CLVS1: variants seen among roughly 807,000 people sequenced by gnomAD.
CLVS1 encodes clavesin 1.
In CLVS1, 10 loss-of-function variants were observed where a neutral mutation model predicts 33.1. That is an observed-to-expected ratio of 0.30 (90% confidence interval 0.19 to 0.51). The LOEUF is 0.51. Ranked by LOEUF, CLVS1 falls within the 20% of genes least tolerant of loss-of-function variation. The probability of loss-of-function intolerance (pLI) is 0.97; values close to 1 mark genes in which losing one functional copy is unlikely to be tolerated. For synonymous variants in CLVS1, 163 were observed against 166.1 expected (o/e 0.98, Z 0.14); for missense variants, 343 against 433.4 (o/e 0.79, Z 1.85).
intron 2 of CLVS1, among the ~76,000 whole-genome samples, chr8:61,225,595 T>C (rs1808308802): frequency 6.6e-6 from 1 of 152,228 alleles, no homozygotes; most frequent in Non-Finnish European, 1.5e-5. Flanking sequence ...ATATCATAGT[T>C]ACCTTTACTG....
At chr8:61,360,691 C>G (rs534687024) in intron 2 of CLVS1, among the ~76,000 whole-genome samples, 1 of 152,286 alleles carries the variant, frequency 6.6e-6, no homozygotes, top group East Asian at 1.9e-4. Flanking sequence ...TTCTTGACAA[C>G]TTTGCATTAG....
chr8:61,202,766 C>G (rs1807761302), intron 2 of CLVS1: 1 of 1,565,868 alleles, frequency 6.4e-7, no homozygotes, highest in South Asian at 1.1e-5. Flanking sequence ...TTAAGTATAT[C>G]TGGAAAGCGA....
intron 2 of CLVS1, among the ~76,000 whole-genome samples, chr8:61,371,356 T>G (rs951661007): frequency 6.6e-6 from 1 of 152,200 alleles, no homozygotes; most frequent in Non-Finnish European, 1.5e-5. Flanking sequence ...TTTTTCTTGC[T>G]TATTTGTTGG....
At chr8:61,216,234 G>C (rs1808083204) in intron 2 of CLVS1, among the ~76,000 whole-genome samples, 1 of 152,180 alleles carries the variant, frequency 6.6e-6, no homozygotes, top group African/African-American at 2.4e-5. Flanking sequence ...AAATCGTTAA[G>C]AGCTCACTGT....
At chr8:61,162,285 T>C (rs1806768806) in intron 2 of CLVS1, among the ~76,000 whole-genome samples, 1 of 152,234 alleles carries the variant, frequency 6.6e-6, no homozygotes, top group African/African-American at 2.4e-5. Context: ...CTGCAGACAC[T>C]TGTGTGTTAA....
chr8:61,052,826 G>T (rs1024190748), upstream of CLVS1, among the ~76,000 whole-genome samples: 1 of 152,178 alleles, frequency 6.6e-6, no homozygotes, highest in African/African-American at 2.4e-5. Flanking sequence ...ATGCTGACAG[G>T]TTCATTCAGA....
At chr8:61,003,465 C>A in the CLVS1 span, among the ~76,000 whole-genome samples, 3 of 152,140 alleles carry the variant, frequency 2.0e-5, no homozygotes, top group Admixed American at 6.5e-5. Flanking sequence ...AGGAAGATAT[C>A]TCTGAGAAGC....
At chr8:61,424,040 C>T (rs192518695) in intron 3 of CLVS1, among the ~76,000 whole-genome samples, 51 of 152,328 alleles carry the variant, frequency 3.3e-4, no homozygotes, top group African/African-American at 7.5e-4. Flanking sequence ...CCCTTGCACA[C>T]GCACACAAAC....
the CLVS1 span, among the ~76,000 whole-genome samples, chr8:60,980,263 C>T: frequency 6.6e-6 from 1 of 152,210 alleles, no homozygotes; most frequent in African/African-American, 2.4e-5. Context: ...TTAACCATTA[C>T]CTCAATCCTT....
At chr8:61,490,330 A>T (rs1304014269) in intron 5 of CLVS1, among the ~76,000 whole-genome samples, 1 of 151,890 alleles carries the variant, frequency 6.6e-6, no homozygotes, top group East Asian at 1.9e-4. Flanking sequence ...TCTCAAAAAA[A>T]AAAAAAAGAA....
the CLVS1 span, among the ~76,000 whole-genome samples, chr8:60,988,976 T>G: frequency 2.0e-5 from 3 of 152,186 alleles, no homozygotes; most frequent in Non-Finnish European, 4.4e-5. Context: ...ATGATCCTCC[T>G]GCTTCAGCCT....
intron 2 of CLVS1, among the ~76,000 whole-genome samples, chr8:61,347,179 C>A (rs748656687): frequency 5.3e-5 from 8 of 152,126 alleles, no homozygotes; most frequent in African/African-American, 9.7e-5. Flanking sequence ...ATAGCAGTAG[C>A]AGGCCATGGA....
chr8:61,150,101 G>GGTGTGTGTGTGTGTGTGTGTGTGTGT (rs10653874), intron 2 of CLVS1, among the ~76,000 whole-genome samples: 222 of 146,538 alleles, frequency 1.5e-3, no homozygotes, highest in African/African-American at 5.3e-3. Flanking sequence ...ATTTGAGAAA[G>GGTGTGTGTGTGTGTGTGTGTGTGTGT]GTGTGTGTGT....
the CLVS1 span, among the ~76,000 whole-genome samples, chr8:60,979,630 C>T: frequency 2.6e-5 from 4 of 152,172 alleles, no homozygotes; most frequent in Non-Finnish European, 5.9e-5. Flanking sequence ...AATCTGCACA[C>T]AGAAAAATAA....
intron 2 of CLVS1, among the ~76,000 whole-genome samples, chr8:61,334,654 A>G (rs1407315747): frequency 6.6e-6 from 1 of 152,226 alleles, no homozygotes; most frequent in Non-Finnish European, 1.5e-5. Flanking sequence ...GTGGTGGGAC[A>G]AATAAATATA....
chr8:61,165,880 A>G (rs748142389), intron 2 of CLVS1, among the ~76,000 whole-genome samples: 2 of 152,178 alleles, frequency 1.3e-5, no homozygotes, highest in Non-Finnish European at 2.9e-5. Flanking sequence ...TATTTTTCAA[A>G]TGGACTACTT....
chr8:61,408,419 T>G (rs934532533), intron 3 of CLVS1, among the ~76,000 whole-genome samples: 46 of 152,208 alleles, frequency 3.0e-4, no homozygotes, highest in African/African-American at 9.9e-4. Context: ...GGAAGCTTTC[T>G]CCTTCCCCTA....
At chr8:61,429,422 A>C (rs1275185848) in intron 3 of CLVS1, among the ~76,000 whole-genome samples, 1 of 139,620 alleles carries the variant, frequency 7.2e-6, no homozygotes, top group East Asian at 2.1e-4. Flanking sequence ...TCTGTCTTAA[A>C]AAAAAAAAAA....
At chr8:60,991,372 C>T in the CLVS1 span, among the ~76,000 whole-genome samples, 3 of 152,132 alleles carry the variant, frequency 2.0e-5, no homozygotes, top group Non-Finnish European at 4.4e-5. Flanking sequence ...AGAGGAGAAC[C>T]AAGCCAGAAA....
Sources: gnomAD v4.1 joint callset for allele counts (sites outside exome capture counted in the v4.1 genomes callset) on GRCh38, gnomAD v4.1.1 for gene constraint, MANE v1.5 for transcripts, NCBI Gene and HGNC (gene_info 2026-07-23, HGNC 2026-07-21) for gene names.